Variants in CDHR2 observed in about 807,000 individuals in gnomAD.
CDHR2 encodes cadherin-related family member 2.
A neutral mutation model predicts 138.6 loss-of-function variants in CDHR2; 104 were observed. The observed-to-expected ratio is 0.75, with a 90% CI of 0.64 to 0.88. The LOEUF (loss-of-function observed/expected upper bound fraction) is 0.88, where lower values mean the gene tolerates loss of function less well. CDHR2 is among the 40% of genes least tolerant of loss of function. CDHR2 has a pLI of 0.00. For synonymous variants in CDHR2, 755 were observed against 742.8 expected (o/e 1.02, Z -0.27); for missense variants, 1,624 against 1,727.6 (o/e 0.94, Z 1.06).
Position 176,543,948 on chromosome 5 carries a change from C to T in CDHR2, c.-16+1179C>T, listed in dbSNP as rs1334423646. 6.6e-6 allele frequency among the ~76,000 whole-genome samples: 1 copy of T among 152,250 alleles called. No homozygotes were observed. Among genetic ancestry groups the T allele is most frequent in the Non-Finnish European group, 1.5e-5 (1 of 68,036 alleles). ...GAGCCAACCTGGACCAGGGCATGGC[C>T]GGCACCAGCTCAGGCCGCGGGTCCC... On this transcript the variant is annotated intron_variant, in intron 1 of 31. Coordinates refer to the CDHR2 transcript ENST00000510636. The surrounding 1 kb of genome is among the most constrained non-coding windows in gnomAD (Gnocchi z 4.0).
chr5:176,554,706 G>T (rs1431714157), intron 1 of CDHR2, among the ~76,000 whole-genome samples: 1 of 152,132 alleles, frequency 6.6e-6, no homozygotes, highest in Non-Finnish European at 1.5e-5. Context: ...TGTCTCCCAG[G>T]CTGGAGTGCA....
rs367551147 is a variant in CDHR2 at position 176,568,859 on chromosome 5, G to T, written c.264+42G>T. On this transcript the variant is annotated intron_variant, in intron 4 of 31. Transcript: ENST00000261944. ...GGAGAGGGCACGGGACGCGGAGGGG[G>T]TGCTGGGAGGGCCCTGGGAGCCCGC... 20 of 1,612,054 alleles carry T rather than the reference G, an allele frequency of 1.2e-5. No individual in the cohort carries two copies. In the Admixed American group the frequency reaches 2.0e-4, roughly 16 times the overall value.
chr5:176,574,970 C>T, intron 7 of CDHR2, 114 bp from the exon 8 acceptor site: 2 of 1,290,128 alleles, frequency 1.6e-6, no homozygotes, highest in Non-Finnish European at 2.2e-6. Flanking sequence ...TGACCTGGTG[C>T]CAGTGGCGTG....
At chr5:176,571,495 G>A (rs1758228660) in intron 6 of CDHR2, among the ~76,000 whole-genome samples, 193 bp downstream of exon 6, 1 of 151,608 alleles carries the variant, frequency 6.6e-6, no homozygotes, top group Non-Finnish European at 1.5e-5. Flanking sequence ...CAATCAGTCA[G>A]GTTAGGAATT....
Position 176,575,732 on chromosome 5 carries a change from C to T in CDHR2, c.853C>T (p.Arg285Trp), listed in dbSNP as rs1157220204. 1.0e-5 allele frequency: 16 copies of T among 1,576,538 alleles called. No individual in the cohort carries two copies. The highest frequency in any genetic ancestry group is 7.1e-5 in the East Asian group (3 of 42,470). The change falls in exon 11 of 32, where the codon CGG becomes TGG. Residue 285 changes from arginine to tryptophan, a missense_variant. Physicochemically the swap from Arg to Trp is moderately radical, Grantham distance 101 (BLOSUM62 -3). Around this residue, in one of 3 missense-constraint regions of CDHR2, gnomAD observed 1,061 missense variants for 1,136.6 expected, o/e 0.93. Coordinates refer to ENST00000261944, the MANE Select transcript of CDHR2 (RefSeq NM_017675.6). ...GCCTTTCTCCTTGCCAGACTCCACG[C>T]GGCCCGGCTGGTTTGACATCGGGGC... is the stretch of plus-strand genomic sequence containing the variant. ...PVIYSISYSTRPGWFDIGADG... is the reference protein window; with the variant it reads ...PVIYSISYSTWPGWFDIGADG...
chr5:176,557,720 T>A (rs1268416608), intron 1 of CDHR2, among the ~76,000 whole-genome samples: 1 of 145,330 alleles, frequency 6.9e-6, no homozygotes, highest in African/African-American at 2.6e-5. Flanking sequence ...CTTTTTTTTT[T>A]ATTTTGAAAT....
chr5:176,558,985 G>A (rs915819116), intron 1 of CDHR2, among the ~76,000 whole-genome samples: 13 of 152,218 alleles, frequency 8.5e-5, no homozygotes, highest in Non-Finnish European at 1.8e-4. Flanking sequence ...TTATGTAAAA[G>A]ATTAGCGGTT....
intron 20 of CDHR2, chr5:176,586,525 C>T (rs545024342): frequency 4.7e-5 from 24 of 514,548 alleles, no homozygotes; most frequent in African/African-American, 2.7e-4. Context: ...CAGCTCTGTC[C>T]GACCTAATGT....
At chr5:176,574,260 G>A in intron 7 of CDHR2, 88 bp downstream of exon 7, 1 of 985,340 alleles carries the variant, frequency 1.0e-6, no homozygotes, top group Non-Finnish European at 1.6e-6. Flanking sequence ...ACGTTGGGGT[G>A]GGGACATTGG....
At chr5:176,567,016 ACAAAACCTGTGCAAG>A (rs1208667493) in intron 3 of CDHR2, 13 of 456,226 alleles carry the variant, frequency 2.8e-5, no homozygotes, top group African/African-American at 2.4e-4. Context: ...ATTGACAAAT[ACAAAACCTGTGCAAG>A]CAATCCCCTG....
chr5:176,580,609 G>A (rs1012933436), intron 16 of CDHR2, among the ~76,000 whole-genome samples: 3 of 151,618 alleles, frequency 2.0e-5, no homozygotes, highest in African/African-American at 4.8e-5. Context: ...GGTGGCTCAC[G>A]CCTGTATGTA....
Position 176,575,096 on chromosome 5 carries a change from A to T in CDHR2, c.508A>T (p.Thr170Ser), listed in dbSNP as rs1758333980. 2 of 1,614,108 alleles carry T rather than the reference A, an allele frequency of 1.2e-6. No homozygotes were observed. ...TGCTCTGCCCCAGGTCATCCCTAGC[A>T]CTGGGGACAGCGAGCATCTCTTCCG... ...VYSIEKVIPS[T>S]GDSEHLFRIL... Residue 170 changes from threonine to serine, a missense_variant, in exon 8 of 32, where the codon ACT (threonine) becomes TCT (serine). Thr to Ser is a moderately conservative substitution (Grantham distance 58). Coordinates refer to ENST00000261944, the MANE Select transcript of CDHR2 (RefSeq NM_017675.6).
At chr5:176,586,985 G>A (rs779947117) in intron 21 of CDHR2, 143 bp downstream of exon 21, 7 of 667,546 alleles carry the variant, frequency 1.0e-5, no homozygotes, top group African/African-American at 1.8e-5. Flanking sequence ...ACCAACACCT[G>A]TCTAATCAAT....
chr5:176,588,720 T>A (rs1197729259), intron 21 of CDHR2, among the ~76,000 whole-genome samples: 1 of 111,650 alleles, frequency 9.0e-6, no homozygotes, highest in South Asian at 2.6e-4. Context: ...TGAGTGTGTG[T>A]GTGTGAGAGA....
At position 176,578,430 on chromosome 5, in the gene CDHR2, A is replaced by G; in HGVS notation, c.1640A>G (p.Asp547Gly). Residue 547 changes from aspartate to glycine, a missense_variant, in exon 16 of 32, where the codon GAC becomes GGC. Coordinates refer to ENST00000261944, the MANE Select transcript of CDHR2 (RefSeq NM_017675.6). ...ACGGTGAGGAACGGTGAGCTGCTGG[A>G]CCGGGAGAGCCAGGCCGTGTACTAC... is the stretch of plus-strand genomic sequence containing the variant. ...TVTVRNGELL[D>G]RESQAVYYLT... 6.2e-7 allele frequency: 1 copy of G among 1,614,064 alleles called. No homozygotes were observed. The highest frequency in any genetic ancestry group is 8.5e-7 in the Non-Finnish European group (1 of 1,179,998).
chr5:176,565,565 CGGGTGGCCT>C, intron 2 of CDHR2, 98 bp from the exon 3 acceptor site: 1 of 1,243,626 alleles, frequency 8.0e-7, no homozygotes, highest in African/African-American at 1.5e-5. Context: ...CAGGCCTGGA[CGGGTGGCCT>C]GGGTGGCCAT....
intron 21 of CDHR2, among the ~76,000 whole-genome samples, chr5:176,587,397 G>A (rs960302156): frequency 6.6e-6 from 1 of 151,952 alleles, no homozygotes; most frequent in Admixed American, 6.6e-5. Context: ...GCGGTGAGTC[G>A]AGATCACGCC....
At position 176,592,886 on chromosome 5, in the gene CDHR2, T is replaced by C. The variant is rs554860654; in HGVS notation, c.3792+106T>C. The C allele has an allele frequency of 7.2e-6, 7 of 977,072 alleles. No homozygotes were observed. In the Admixed American group the frequency reaches 9.0e-5, roughly 13 times the overall value. The allele number at this position is 977,072 out of a possible 1,614,324, so 60.5% of individuals were successfully genotyped here. A position where few individuals can be genotyped will look rare whatever the true frequency, so the allele number is the denominator to read the frequency against. The stretch of plus-strand genomic sequence containing the variant: ...CTGCTACTGACATGGGCAGTTCTGC[T>C]TCTCTGCACCAGGCCCCAGGAAGCC... On this transcript the variant is annotated intron_variant, in intron 31 of 31. Transcript: ENST00000261944.
chr5:176,588,582 TGA>T (rs1321750607), intron 21 of CDHR2, among the ~76,000 whole-genome samples: 3 of 142,838 alleles, frequency 2.1e-5, no homozygotes, highest in Admixed American at 6.9e-5. Context: ...AGAGTGTGTG[TGA>T]GGGTGTGTAT....
Sources: allele counts gnomAD v4.1 joint callset (sites outside exome capture counted in the v4.1 genomes callset), GRCh38; gene constraint gnomAD v4.1.1; regional missense constraint gnomAD v4.1.1; non-coding constraint Gnocchi (gnomAD v3.1); transcripts MANE v1.5; gene names NCBI Gene and HGNC (gene_info 2026-07-23, HGNC 2026-07-21).